The following APP variants were observed in gnomAD, a reference collection of about 807,000 sequenced individuals.
APP encodes the protein amyloid-beta precursor protein.
Under a neutral mutation model 101.4 loss-of-function variants are expected in APP, and 31 were observed. That is an observed-to-expected ratio of 0.31 (90% confidence interval 0.23 to 0.41). The LOEUF (loss-of-function observed/expected upper bound fraction) is 0.41, where lower values mean the gene tolerates loss of function less well. Ranked by LOEUF, APP falls within the 10% of genes least tolerant of loss-of-function variation. APP has a pLI of 1.00. For missense variants in APP, 839 were observed against 1,003.7 expected (o/e 0.84, Z 2.22); for synonymous variants, 366 against 364.4 (o/e 1.00, Z -0.05).
chr21:26,132,523 TA>T (rs11356038), intron 1 of APP, among the ~76,000 whole-genome samples: 92,212 of 151,968 alleles, frequency 0.61, 30,518 homozygotes, highest in African/African-American at 0.88. Context: ...CCTCTACCTT[TA>T]AAAAAAAGTT....
At chr21:26,139,583 T>A (rs2062996040) in intron 1 of APP, among the ~76,000 whole-genome samples, 1 of 152,204 alleles carries the variant, frequency 6.6e-6, no homozygotes, top group Non-Finnish European at 1.5e-5. Flanking sequence ...TGAAACATTC[T>A]ATGAGAAACA....
chr21:26,004,742 G>A (rs1302351035), intron 6 of APP, among the ~76,000 whole-genome samples: 2 of 151,998 alleles, frequency 1.3e-5, no homozygotes, highest in Non-Finnish European at 2.9e-5. Context: ...CATGTTGTTT[G>A]CTGCACCCAT....
chr21:25,950,381 CTTTTTTTTTTT>C lies in APP; in HGVS notation c.1687+4198_1687+4208del, dbSNP rs57124711. Reference sequence around the variant, plus strand: ...AAACCACAAGCAGCTTTTTTTTTTTCTTTTTTTTTTTTTTTGGAGACGGAGTTTTGCTCTTG... The same window carrying C: ...AAACCACAAGCAGCTTTTTTTTTTTCTTTTGGAGACGGAGTTTTGCTCTTG... On this transcript the variant is annotated intron_variant, in intron 13 of 17. Coordinates refer to ENST00000346798, the MANE Select transcript of APP (RefSeq NM_000484.4). 5.3e-5 allele frequency among the ~76,000 whole-genome samples: 7 copies of C among 133,138 alleles called. No homozygotes were observed. The Admixed American group carries it at 5.3e-4, about 10-fold the overall frequency. The allele number at this position is 133,138 out of a possible 152,430, so 87.3% of individuals were successfully genotyped here. A position where few individuals can be genotyped will look rare whatever the true frequency, so the allele number is the denominator to read the frequency against.
intron 6 of APP, among the ~76,000 whole-genome samples, chr21:26,013,415 ATTT>A (rs796078575): frequency 6.8e-6 from 1 of 146,894 alleles, no homozygotes; most frequent in Non-Finnish European, 1.5e-5. Flanking sequence ...TTGAGGTTTG[ATTT>A]TTTTTTTTCT....
chr21:26,083,137 C>T (rs771368344), intron 3 of APP, among the ~76,000 whole-genome samples: 21 of 151,994 alleles, frequency 1.4e-4, no homozygotes, highest in South Asian at 6.2e-4. Context: ...AATTATGTGG[C>T]GCATATATTT....
Position 25,880,852 on chromosome 21 carries a change from T to G in APP, c.*818A>C, listed in dbSNP as rs200853376. 6.5e-6 allele frequency: 1 copy of G among 152,716 alleles called. No individual in the cohort carries two copies. Among genetic ancestry groups the G allele is most frequent in the African/African-American group, 2.4e-5 (1 of 41,456 alleles). The allele number at this position is 152,716 out of a possible 1,614,324, so 9.5% of individuals were successfully genotyped here. A position where few individuals can be genotyped will look rare whatever the true frequency, so the allele number is the denominator to read the frequency against. On this transcript the variant is annotated 3_prime_UTR_variant, in exon 18 of 18. Coordinates refer to ENST00000346798, the MANE Select transcript of APP (RefSeq NM_000484.4). ...TGTAATACAGTGTAGAAAGCGATCATGTCATAAGCAATGATTCTGTACAAT... is the reference window on the plus strand; with the variant it reads ...TGTAATACAGTGTAGAAAGCGATCAGGTCATAAGCAATGATTCTGTACAAT...
At chr21:26,042,711 G>T (rs1039783717) in intron 5 of APP, among the ~76,000 whole-genome samples, 8 of 151,916 alleles carry the variant, frequency 5.3e-5, no homozygotes, top group Admixed American at 2.0e-4. Flanking sequence ...AAAACAGTCT[G>T]GGCAACATAG....
intron 2 of APP, among the ~76,000 whole-genome samples, chr21:26,106,753 A>G (rs2062191507): frequency 6.6e-6 from 1 of 152,178 alleles, no homozygotes; most frequent in South Asian, 2.1e-4. Flanking sequence ...TTAAAAATCA[A>G]AATCACAAAG....
intron 1 of APP, among the ~76,000 whole-genome samples, chr21:26,157,101 G>C (rs1782984): frequency 0.062 from 9,436 of 152,030 alleles, 499 homozygotes; most frequent in East Asian, 0.2. Context: ...ACAGAGTCTG[G>C]CTCTGTTGCC....
intron 13 of APP, among the ~76,000 whole-genome samples, chr21:25,924,416 AAAAAAAAAAAAG>A (rs1257844355): frequency 1.1e-5 from 1 of 93,564 alleles, no homozygotes; most frequent in African/African-American, 4.4e-5. Flanking sequence ...AAATACAAAA[AAAAAAAAAAAAG>A]GAAAAAAAAA....
intron 1 of APP, among the ~76,000 whole-genome samples, chr21:26,118,091 T>G (rs2062476886): frequency 6.6e-6 from 1 of 152,174 alleles, no homozygotes. Context: ...AAAGGATAGA[T>G]GTTCTCAAGT....
intron 2 of APP, among the ~76,000 whole-genome samples, chr21:26,099,964 C>T (rs1336069902): frequency 6.6e-6 from 1 of 152,202 alleles, no homozygotes; most frequent in Non-Finnish European, 1.5e-5. Flanking sequence ...GTTATATCCA[C>T]ACTTTCATAC....
rs1394215533 is a variant in APP, at chr21:26,090,026, G to T, written c.272C>A (p.Pro91Gln). ...QITNVVEANQPVTIQNWCKRG... is the reference protein window; with the variant it reads ...QITNVVEANQQVTIQNWCKRG... ...CTTGCACCAGTTCTGGATGGTCACT[G>T]GTTGGTTGGCTTCTACCACATTGGT... The change falls in exon 3 of 18, where the codon CCA becomes CAA. Residue 91 changes from proline (P) to glutamine (Q), a missense_variant. Coordinates refer to ENST00000346798, the MANE Select transcript of APP (RefSeq NM_000484.4). The T allele has an allele frequency of 5.0e-6, 8 of 1,614,046 alleles. No individual in the cohort carries two copies. Among genetic ancestry groups the T allele is most frequent in the Non-Finnish European group, 6.8e-6 (8 of 1,180,036 alleles).
rs771317418 is a variant in APP at position 26,051,117 on chromosome 21, A to G, written c.545T>C (p.Val182Ala). 10 of 1,613,724 alleles carry G rather than the reference A, an allele frequency of 6.2e-6. No individual in the cohort carries two copies. In the Admixed American group the frequency reaches 1.3e-4, roughly 22 times the overall value. The stretch of plus-strand genomic sequence containing the variant: ...AGCCAGTGGGCAACACACAAACTCT[A>G]CCCCTCGGAACTTGTCAATTCCGCA... ...LPCGIDKFRG[V>A]EFVCCPLAEE... Residue 182 changes from valine to alanine, a missense_variant, in exon 5 of 18, where the codon GTA (valine) becomes GCA (alanine). Transcript: ENST00000346798.
intron 1 of APP, chr21:26,140,490 T>G: frequency 1.5e-6 from 1 of 678,726 alleles, no homozygotes; most frequent in African/African-American, 1.8e-5. Context: ...AATTTCCTTT[T>G]GTAGGATTTT....
At chr21:26,022,364 T>G (rs962635608) in intron 5 of APP, among the ~76,000 whole-genome samples, 3 of 151,422 alleles carry the variant, frequency 2.0e-5, no homozygotes, top group Non-Finnish European at 2.9e-5. Flanking sequence ...GATGAATAGG[T>G]GGAGTAGAGA....
At chr21:26,021,046 C>CTTT (rs144287372) in intron 6 of APP, among the ~76,000 whole-genome samples, 21 of 101,728 alleles carry the variant, frequency 2.1e-4, no homozygotes, top group Admixed American at 3.2e-4. Flanking sequence ...CTCACCAAAT[C>CTTT]TTTTTTTTTT....
intron 1 of APP, among the ~76,000 whole-genome samples, chr21:26,143,849 A>T (rs1300313382): frequency 6.6e-6 from 1 of 152,176 alleles, no homozygotes; most frequent in Non-Finnish European, 1.5e-5. Flanking sequence ...GGCCATAAGT[A>T]CCAGGGGCCT....
chr21:25,933,203 A>T (rs966249988), intron 13 of APP, among the ~76,000 whole-genome samples: 1 of 152,092 alleles, frequency 6.6e-6, no homozygotes, highest in African/African-American at 2.4e-5. Flanking sequence ...GGCTCAAGTG[A>T]TCTTCTCACC....
Sources: gnomAD v4.1 joint callset for allele counts (sites outside exome capture counted in the v4.1 genomes callset) on GRCh38, gnomAD v4.1.1 for gene constraint, MANE v1.5 for transcripts, NCBI Gene and HGNC (gene_info 2026-07-23, HGNC 2026-07-21) for gene names.